Variants in TNXB observed in about 807,000 individuals in gnomAD.
TNXB encodes tenascin XB, also known as tenascin-X.
Under a neutral mutation model 340.5 loss-of-function variants are expected in TNXB, and 183 were observed. That is an observed-to-expected ratio of 0.54 (90% CI 0.48 to 0.61). TNXB has a LOEUF of 0.61. TNXB is among the 20% of genes least tolerant of loss of function. TNXB has a pLI of 0.00. For missense variants in TNXB, 4,613 were observed against 5,446.4 expected, an observed-to-expected ratio of 0.85 and a Z score of 4.82; for synonymous variants, 2,121 against 2,314.5, an observed-to-expected ratio of 0.92 and a Z score of 2.40.
chr6:32,095,908 T>C lies in TNXB; in HGVS notation c.1945A>G (p.Thr649Ala), dbSNP rs1780310062. ...CGGCAGTCAGCCGGGCACATGCGGGTGGCACAGGTAGGGCCGGTGTAGCCT... is the reference window on the plus strand; with the variant it reads ...CGGCAGTCAGCCGGGCACATGCGGGCGGCACAGGTAGGGCCGGTGTAGCCT... The part of the protein sequence containing the change: ...DPGYTGPTCA[T>A]RMCPADCRGR... The change falls in exon 3 of 44, where the codon ACC (threonine) becomes GCC (alanine). Residue 649 changes from threonine (T) to alanine (A), a missense_variant. Physicochemically the swap from Thr to Ala is moderately conservative, Grantham distance 58. Transcript: ENST00000644971. 1 of 1,612,658 alleles carries C rather than the reference T, an allele frequency of 6.2e-7. No homozygotes were observed. Among genetic ancestry groups the C allele is most frequent in the Non-Finnish European group, 8.5e-7 (1 of 1,179,552 alleles).
chr6:32,047,641 T>C lies in TNXB; in HGVS notation c.10324+93A>G, dbSNP rs2151889529. The C allele has an allele frequency of 2.8e-6, 4 of 1,417,768 alleles. No individual in the cohort carries two copies. Among genetic ancestry groups the C allele is most frequent in the Non-Finnish European group, 2.8e-6 (3 of 1,066,634 alleles). 87.8% of individuals were successfully genotyped at this position (1,417,768 alleles called of 1,614,324 possible). A position where few individuals can be genotyped will look rare whatever the true frequency, so the allele number is the denominator to read the frequency against. On this transcript the variant is annotated intron_variant, in intron 30 of 43. Coordinates refer to ENST00000644971, the MANE Select transcript of TNXB (RefSeq NM_001365276.2). This position sits in a 1 kb window ranked among gnomAD's most constrained non-coding sequence, Gnocchi z 6.2. ...GTTAAGATGGTTGTGTCAGGGCTGA[T>C]AGAGGGAATCTCACGGGAAGGCTGC...
chr6:32,095,303 T>C lies in TNXB; in HGVS notation c.2243-112A>G, dbSNP rs548847674. On this transcript the variant is annotated intron_variant, in intron 3 of 43. Transcript: ENST00000644971. Reference sequence around the variant, plus strand: ...AGGCCCATCCTAACTCCCACTCCTCTCTGCTAGTGGAGAATAGCTGACAGA... The same window carrying C: ...AGGCCCATCCTAACTCCCACTCCTCCCTGCTAGTGGAGAATAGCTGACAGA... 27 of 831,616 alleles carry C rather than the reference T, an allele frequency of 3.2e-5. No individual in the cohort carries two copies. The South Asian group carries it at 4.4e-4, about 13-fold the overall frequency. 51.5% of individuals were successfully genotyped at this position (831,616 alleles called of 1,614,324 possible).
intron 43 of TNXB, 78 bp from the exon 44 acceptor site, chr6:32,041,528 C>T (rs1346924319): frequency 1.7e-6 from 2 of 1,162,038 alleles, no homozygotes; most frequent in African/African-American, 3.4e-5. Context: ...GGAGGTAGCT[C>T]CCAGCACTCA....
chr6:32,079,283 C>A lies in TNXB; in HGVS notation c.4125G>T (p.Leu1375=), dbSNP rs769029257. Residue 1375 remains leucine, a synonymous_variant, in exon 11 of 44, where the codon CTG becomes CTT. Coordinates refer to ENST00000644971, the MANE Select transcript of TNXB (RefSeq NM_001365276.2). The surrounding 1 kb of genome is among the most constrained non-coding windows in gnomAD (Gnocchi z 7.1). ...AGGATCCTGTCACTGTCAGCTCCCC[C>A]AGGAGCGGCTCCTCGGGGGACTCCG... The part of the protein sequence containing the change: ...EAPESPEEPL[L]GELTVTGSSP... The A allele has an allele frequency of 5.6e-6, 9 of 1,613,106 alleles. No homozygotes were observed. Among genetic ancestry groups the A allele is most frequent in the South Asian group, 5.5e-5 (5 of 91,094 alleles).
intron 4 of TNXB, 137 bp downstream of exon 4, chr6:32,094,939 G>A (rs1254080530): frequency 1.5e-6 from 1 of 686,408 alleles, no homozygotes; most frequent in Non-Finnish European, 2.5e-6. Flanking sequence ...AGCAGGCTAA[G>A]AAAGCCTTTA....
In TNXB at chr6:32,089,366, C is replaced by T; in HGVS notation, c.2372G>A (p.Ser791Asn). Residue 791 changes from serine (S) to asparagine (N), a missense_variant, in exon 5 of 44, where the codon AGC becomes AAC. Around this residue, in one of 7 missense-constraint regions of TNXB, gnomAD observed 4,327 missense variants for 4,859.4 expected, o/e 0.89. Transcript: ENST00000644971. This position sits in a 1 kb window ranked among gnomAD's most constrained non-coding sequence, Gnocchi z 6.2. ...TGGAACCCGTGCTGTGAATGGGGGG[C>T]TCGCCCCCTCTGTCTGTGAGAGAGA... ...IQFIPTTEGASPPFTARVPSS... is the reference protein window; with the variant it reads ...IQFIPTTEGANPPFTARVPSS... The T allele has an allele frequency of 6.2e-7, 1 of 1,606,252 alleles. No homozygotes were observed. The highest frequency in any genetic ancestry group is 8.5e-7 in the Non-Finnish European group (1 of 1,177,560).
chr6:32,069,106 G>C lies in TNXB; in HGVS notation c.5618C>G (p.Thr1873Arg), dbSNP rs777744859. 3.1e-6 allele frequency: 5 copies of C among 1,610,352 alleles called. No homozygotes were observed. The highest frequency in any genetic ancestry group is 4.2e-6 in the Non-Finnish European group (5 of 1,179,124). Residue 1873 changes from threonine (T) to arginine (R), a missense_variant, in exon 16 of 44, where the codon ACG (threonine) becomes AGG (arginine). Thr to Arg is a moderately conservative substitution (Grantham distance 71, BLOSUM62 -1). Around this residue, in one of 7 missense-constraint regions of TNXB, gnomAD observed 4,327 missense variants for 4,859.4 expected, o/e 0.89. Transcript: ENST00000644971. The surrounding 1 kb of genome is among the most constrained non-coding windows in gnomAD (Gnocchi z 6.2). ...CTCAGGCGCTGGAGGGGTCGGGGCC[G>C]TGGTCTCAGTTTCCGTTTCTTCCCT... The part of the protein sequence containing the change: ...AGREETETET[T>R]APTPPAPEPH...
chr6:32,048,041 G>C, intron 29 of TNXB, 29 bp from the exon 30 acceptor site: 1 of 1,589,348 alleles, frequency 6.3e-7, no homozygotes, highest in South Asian at 1.1e-5. Flanking sequence ...TGCATGGAGA[G>C]TGGGATGGAG....
In TNXB at chr6:32,044,130, C is replaced by T; in HGVS notation, c.11264-1G>A. Reference sequence around the variant, plus strand: ...TGGAGGTCACGGGGGCTCTCCAGAACTGCAGAGGGGTCAAGGAACAATGAC... The same window carrying T: ...TGGAGGTCACGGGGGCTCTCCAGAATTGCAGAGGGGTCAAGGAACAATGAC... On this transcript the variant is annotated splice_acceptor_variant, in intron 33 of 43. Transcript: ENST00000644971. LOFTEE classifies it high-confidence loss of function. 1 of 1,491,576 alleles carries T rather than the reference C, an allele frequency of 6.7e-7. No individual in the cohort carries two copies. The highest frequency in any genetic ancestry group is 9.1e-7 in the Non-Finnish European group (1 of 1,096,242). The allele number at this position is 1,491,576 out of a possible 1,614,324, so 92.4% of individuals were successfully genotyped here.
At chr6:32,055,121 C>T (rs6902493) in intron 24 of TNXB, among the ~76,000 whole-genome samples, 39,032 of 152,152 alleles carry the variant, frequency 0.26, 6,429 homozygotes, top group Admixed American at 0.38. Context: ...GTGAGACGCC[C>T]GGTAATAGGG....
chr6:32,052,574 G>A lies in TNXB; in HGVS notation c.9115+96C>T. 2 of 1,476,726 alleles carry A rather than the reference G, an allele frequency of 1.4e-6. No individual in the cohort carries two copies. Among genetic ancestry groups the A allele is most frequent in the Non-Finnish European group, 1.8e-6 (2 of 1,091,436 alleles). 91.5% of individuals were successfully genotyped at this position (1,476,726 alleles called of 1,614,324 possible). ...CCAGGCATTTGGATACACAAAGGAA[G>A]GAATACTCTTCAGAGTATGTTTTCA... On this transcript the variant is annotated intron_variant, in intron 26 of 43. Transcript: ENST00000644971. The surrounding 1 kb of genome is among the most constrained non-coding windows in gnomAD (Gnocchi z 4.7).
In TNXB at chr6:32,081,768, G is replaced by A; in HGVS notation, c.3737-95C>T. 1 of 744,162 alleles carries A rather than the reference G, an allele frequency of 1.3e-6. No homozygotes were observed. The highest frequency in any genetic ancestry group is 2.2e-6 in the Non-Finnish European group (1 of 455,782). The allele number at this position is 744,162 out of a possible 1,614,324, so 46.1% of individuals were successfully genotyped here. A position where few individuals can be genotyped will look rare whatever the true frequency, so the allele number is the denominator to read the frequency against. Reference sequence around the variant, plus strand: ...ATGTCACACCTATGGGGGGTGGGGGGTCACTAGTCCATTAATTCGAGTGCT... The same window carrying A: ...ATGTCACACCTATGGGGGGTGGGGGATCACTAGTCCATTAATTCGAGTGCT... On this transcript the variant is annotated intron_variant, in intron 9 of 43. Transcript: ENST00000644971. This position sits in a 1 kb window ranked among gnomAD's most constrained non-coding sequence, Gnocchi z 5.1.
chr6:32,105,872 T>C (rs1490910741), intron 1 of TNXB, among the ~76,000 whole-genome samples: 1 of 152,222 alleles, frequency 6.6e-6, no homozygotes, highest in Admixed American at 6.5e-5. Context: ...AACTGGGAAC[T>C]ACTCAAACAT....
At position 32,070,353 on chromosome 6, in the gene TNXB, G is replaced by T. The variant is rs776883744; in HGVS notation, c.5052C>A (p.Asp1684Glu). The T allele has an allele frequency of 4.4e-6, 7 of 1,608,384 alleles. No homozygotes were observed. Among genetic ancestry groups the T allele is most frequent in the Non-Finnish European group, 5.9e-6 (7 of 1,178,058 alleles). ...PPRLGELWVT[D>E]PTPDSLRLSW... The stretch of plus-strand genomic sequence containing the variant: ...AGAGGCGCAGTGAGTCTGGGGTGGG[G>T]TCTGTCACCCACAGCTCCCCAAGGC... Residue 1684 changes from aspartate (D) to glutamate (E), a missense_variant, in exon 14 of 44, where the codon GAC (aspartate) becomes GAA (glutamate). Asp to Glu is a conservative substitution (Grantham distance 45). Coordinates refer to ENST00000644971, the MANE Select transcript of TNXB (RefSeq NM_001365276.2). This position sits in a 1 kb window ranked among gnomAD's most constrained non-coding sequence, Gnocchi z 6.0.
rs1776966867 is a variant in TNXB, at chr6:32,047,481, G to GTTC, written c.10324+252_10324+253insGAA. Among the ~76,000 whole-genome samples, 1 of 152,224 alleles carries GTTC rather than the reference G, an allele frequency of 6.6e-6. No homozygotes were observed. The highest frequency in any genetic ancestry group is 1.5e-5 in the Non-Finnish European group (1 of 68,038). ...TCCATGGTCACCCTGGCAAAGGCTA[G>GTTC]GACTGGAACTGGAACACAGATCTGC... On this transcript the variant is annotated intron_variant, in intron 30 of 43. Coordinates refer to ENST00000644971, the MANE Select transcript of TNXB (RefSeq NM_001365276.2). This position sits in a 1 kb window ranked among gnomAD's most constrained non-coding sequence, Gnocchi z 6.2.
In TNXB at chr6:32,085,917, C is replaced by G; in HGVS notation, c.2981G>C (p.Arg994Pro). The G allele has an allele frequency of 6.2e-7, 1 of 1,608,594 alleles. No homozygotes were observed. Among genetic ancestry groups the G allele is most frequent in the Non-Finnish European group, 8.5e-7 (1 of 1,178,800 alleles). ...CCCCGGCCCCTCGGGCACCCGCATG[C>G]GCAGTTGGAAGTAGGCAAAGGTGTC... is the stretch of plus-strand genomic sequence containing the variant. Reference protein sequence around the residue: ...QPDTFAYFQLRMRVPEGPGAH... With the variant: ...QPDTFAYFQLPMRVPEGPGAH... The change falls in exon 7 of 44, where the codon CGC becomes CCC. Residue 994 changes from arginine (R) to proline (P), a missense_variant. Coordinates refer to ENST00000644971, the MANE Select transcript of TNXB (RefSeq NM_001365276.2). The surrounding 1 kb of genome is among the most constrained non-coding windows in gnomAD (Gnocchi z 6.4).
chr6:32,109,149 C>A (rs1323299562), intron 1 of TNXB, 32 bp downstream of exon 1: 1 of 152,542 alleles, frequency 6.6e-6, no homozygotes, highest in East Asian at 1.9e-4. Context: ...CTTGCCTCTC[C>A]TTCTGGGTCT....
Position 32,097,393 on chromosome 6 carries a change from A to G in TNXB, c.460T>C (p.Cys154Arg). ...CAGCCTGGCTCACAGGAACAGGTGC[A>G]GCGGCTCAGATCAAACACACCATGG... ...SLHGVFDLSR[C>R]TCSCEPGWGG... The change falls in exon 3 of 44, where the codon TGC (cysteine) becomes CGC (arginine). Residue 154 changes from cysteine (C) to arginine (R), a missense_variant. Physicochemically the swap from Cys to Arg is radical, Grantham distance 180 (BLOSUM62 -3). This residue lies in a region of TNXB where 4,327 missense variants were observed against 4,859.4 expected (regional missense o/e 0.89). Coordinates refer to ENST00000644971, the MANE Select transcript of TNXB (RefSeq NM_001365276.2). This position sits in a 1 kb window ranked among gnomAD's most constrained non-coding sequence, Gnocchi z 5.9. The G allele has an allele frequency of 6.2e-7, 1 of 1,610,498 alleles. No homozygotes were observed. Among genetic ancestry groups the G allele is most frequent in the Non-Finnish European group, 8.5e-7 (1 of 1,179,612 alleles).
rs1338859444 is a variant in TNXB, at chr6:32,097,301, C to G, written c.552G>C (p.Ser184=). The G allele has an allele frequency of 3.7e-6, 6 of 1,613,414 alleles. No individual in the cohort carries two copies. Among genetic ancestry groups the G allele is most frequent in the East Asian group, 2.2e-5 (1 of 44,900 alleles). Residue 184 remains serine (S), a synonymous_variant, in exon 3 of 44, where the codon TCG becomes TCC. Coordinates refer to ENST00000644971, the MANE Select transcript of TNXB (RefSeq NM_001365276.2). The surrounding 1 kb of genome is among the most constrained non-coding windows in gnomAD (Gnocchi z 5.9). ...CATTGCAGTCATCTGGGCAGGACCC[C>G]GAGGCTGAGGGTGGGGAAGAGGGAG... ...EIPPSSPPSA[S]GSCPDDCNDQ... is the part of the protein sequence containing the mutation.
Sources: gnomAD v4.1 joint callset for allele counts (sites outside exome capture counted in the v4.1 genomes callset) on GRCh38, gnomAD v4.1.1 for gene constraint, gnomAD v4.1.1 regional missense constraint, Gnocchi (gnomAD v3.1) non-coding constraint, MANE v1.5 for transcripts, NCBI Gene and HGNC (gene_info 2026-07-23, HGNC 2026-07-21) for gene names.